Variants in LOXL4 observed in about 807,000 individuals in gnomAD.
LOXL4 encodes lysyl oxidase homolog 4.
LOXL4 carries 72 observed loss-of-function variants against 89.1 expected under a neutral mutation model. The observed-to-expected ratio is 0.81, with a 90% CI of 0.67 to 0.98. The LOEUF (loss-of-function observed/expected upper bound fraction) is 0.98, where lower values mean the gene tolerates loss of function less well. Among genes scored for constraint, LOXL4 ranks in the 50% least tolerant of loss-of-function variants. The pLI, the probability that LOXL4 is intolerant of heterozygous loss-of-function variation, is 0.00. For synonymous variants in LOXL4, 355 were observed against 392.1 expected, an observed-to-expected ratio of 0.91 and a Z score of 1.12; for missense variants, 984 against 1,017.5, an observed-to-expected ratio of 0.97 and a Z score of 0.45.
In LOXL4 at chr10:98,248,729, G is replaced by A. The variant is rs567308588; in HGVS notation, c.*192C>T. 231 of 593,712 alleles carry A rather than the reference G, an allele frequency of 3.9e-4. No homozygotes were observed. Among genetic ancestry groups the A allele is most frequent in the Middle Eastern group, 3.2e-3 (7 of 2,168 alleles). The allele number at this position is 593,712 out of a possible 1,614,324, so 36.8% of individuals were successfully genotyped here. A position where few individuals can be genotyped will look rare whatever the true frequency, so the allele number is the denominator to read the frequency against. On this transcript the variant is annotated 3_prime_UTR_variant, in exon 15 of 15. Transcript: ENST00000260702. ...ATAGGCCACAGGCCCTTAGGGGCAG[G>A]CCCAGAGCCATCCTGAGGGAGCAAT...
In LOXL4 at chr10:98,259,087, G is replaced by A. The variant is rs7077073; in HGVS notation, c.843C>T (p.His281=). The A allele has an allele frequency of 0.45, 720,345 of 1,593,668 alleles. 168,574 individuals are homozygous for A. The highest frequency in any genetic ancestry group is 0.72 in the East Asian group (31,733 of 44,158). ...KLRPACPGGM[H]AVVSCVAGPH... ...GCCCTGCCACACAGCTGACCACAGC[G>A]TGCATGCCACCTGGGCAGGCTGGCC... Residue 281 remains histidine, a synonymous_variant, in exon 6 of 15, where the codon CAC becomes CAT. Transcript: ENST00000260702.
In LOXL4 at chr10:98,259,176, G is replaced by A; in HGVS notation, c.754C>T (p.Leu252=). 6.2e-7 allele frequency: 1 copy of A among 1,612,302 alleles called. No individual in the cohort carries two copies. Among genetic ancestry groups the A allele is most frequent in the Admixed American group, 1.7e-5 (1 of 60,008 alleles). The change falls in exon 6 of 15, where the codon CTG becomes TTG. Residue 252 remains leucine (L), a synonymous_variant. Transcript: ENST00000260702. ...TTGGCCATGTGGGGCTCTGTCCCCA[G>A]GCAGGTGACCTGGTGGATCCAGAAG... The part of the protein sequence containing the change: ...NSFWIHQVTC[L]GTEPHMANCQ...
Position 98,257,656 on chromosome 10 carries a change from C to A in LOXL4, c.1254G>T (p.Gln418His). ...VRCNVPNMGF[Q>H]NQVRLAGGRI... is the part of the protein sequence containing the mutation. ...TGCTCAGACCCAAACTCACCTGATT[C>A]TGAAAGCCCATGTTAGGGACATTGC... Residue 418 changes from glutamine (Q) to histidine (H), a missense_variant, in exon 8 of 15, where the codon CAG (glutamine) becomes CAT (histidine). Gln to His is a conservative substitution (Grantham distance 24). Transcript: ENST00000260702. The A allele has an allele frequency of 6.2e-7, 1 of 1,613,274 alleles. No homozygotes were observed. Among genetic ancestry groups the A allele is most frequent in the Non-Finnish European group, 8.5e-7 (1 of 1,179,596 alleles).
chr10:98,262,767 T>C lies in LOXL4; in HGVS notation c.253A>G (p.Ser85Gly). 1.2e-6 allele frequency: 2 copies of C among 1,613,288 alleles called. No homozygotes were observed. Among genetic ancestry groups the C allele is most frequent in the South Asian group, 1.1e-5 (1 of 91,078 alleles). ...CCCTCCCCTTGGCCGTACTTGGCACTGTGGGCCCAGGTCAAGGCAGCTTCG... is the reference window on the plus strand; with the variant it reads ...CCCTCCCCTTGGCCGTACTTGGCACCGTGGGCCCAGGTCAAGGCAGCTTCG... Reference protein sequence around the residue: ...GFEAALTWAHSAKYGQGEGPI... With the variant: ...GFEAALTWAHGAKYGQGEGPI... Residue 85 changes from serine to glycine, a missense_variant, in exon 2 of 15, where the codon AGT (serine) becomes GGT (glycine). By Grantham distance (56) the Ser-to-Gly change is moderately conservative (BLOSUM62 0). Coordinates refer to ENST00000260702, the MANE Select transcript of LOXL4 (RefSeq NM_032211.7).
intron 3 of LOXL4, 110 bp from the exon 4 acceptor site, chr10:98,261,237 C>G (rs1379721289): frequency 2.6e-6 from 3 of 1,144,318 alleles, no homozygotes; most frequent in Non-Finnish European, 3.7e-6. Flanking sequence ...CGAGACCATC[C>G]CACCCAGCCC....
chr10:98,252,699 G>A (rs562718897), intron 11 of LOXL4, among the ~76,000 whole-genome samples: 5 of 152,212 alleles, frequency 3.3e-5, no homozygotes, highest in Non-Finnish European at 5.9e-5. Flanking sequence ...TCTCAACCCA[G>A]GCAAGAGGTA....
Position 98,258,105 on chromosome 10 carries a change from G to A in LOXL4, c.981C>T (p.Leu327=), listed in dbSNP as rs1404327578. 6.2e-7 allele frequency: 1 copy of A among 1,613,492 alleles called. No individual in the cohort carries two copies. Among genetic ancestry groups the A allele is most frequent in the Admixed American group, 1.7e-5 (1 of 60,024 alleles). Residue 327 remains leucine (L), a synonymous_variant, in exon 7 of 15, where the codon CTC becomes CTT. Transcript: ENST00000260702. ...AQVGEGRVEV[L]MNRQWGTVCD... Reference sequence around the variant, plus strand: ...AGACCGTGCCCCACTGGCGGTTCATGAGCACTTCCACCCGGCCCTCGCCCA... The same window carrying A: ...AGACCGTGCCCCACTGGCGGTTCATAAGCACTTCCACCCGGCCCTCGCCCA...
Position 98,258,172 on chromosome 10 carries a change from G to C in LOXL4, c.922-8C>G. ...CAGGCGCACCCTCGGCTCCTGCTGG[G>C]AGAAACCTGCTTCAGGGACGGCTGA... On this transcript the variant is annotated splice_region_variant and splice_polypyrimidine_tract_variant and intron_variant, in intron 6 of 14. Coordinates refer to ENST00000260702, the MANE Select transcript of LOXL4 (RefSeq NM_032211.7). 6.2e-7 allele frequency: 1 copy of C among 1,605,676 alleles called. No individual in the cohort carries two copies. The highest frequency in any genetic ancestry group is 8.5e-7 in the Non-Finnish European group (1 of 1,174,744).
At chr10:98,253,908 A>C in intron 10 of LOXL4, 112 bp from the exon 11 acceptor site, 2 of 1,359,908 alleles carry the variant, frequency 1.5e-6, no homozygotes, top group East Asian at 2.4e-5. Flanking sequence ...AGAGGACCCC[A>C]CAAAAGAAGG....
In LOXL4 at chr10:98,258,175, A is replaced by G; in HGVS notation, c.922-11T>C. The G allele has an allele frequency of 6.2e-7, 1 of 1,605,102 alleles. No homozygotes were observed. Among genetic ancestry groups the G allele is most frequent in the Non-Finnish European group, 8.5e-7 (1 of 1,174,440 alleles). The stretch of plus-strand genomic sequence containing the variant: ...GCGCACCCTCGGCTCCTGCTGGGAG[A>G]AACCTGCTTCAGGGACGGCTGAGGA... On this transcript the variant is annotated splice_polypyrimidine_tract_variant and intron_variant, in intron 6 of 14. Coordinates refer to ENST00000260702, the MANE Select transcript of LOXL4 (RefSeq NM_032211.7).
At chr10:98,267,708 C>T (rs754057308) in intron 1 of LOXL4, among the ~76,000 whole-genome samples, 1 of 152,146 alleles carries the variant, frequency 6.6e-6, no homozygotes, top group Non-Finnish European at 1.5e-5. Context: ...GCCGACCCCC[C>T]AACATAATCA....
chr10:98,262,806 G>C lies in LOXL4; in HGVS notation c.214C>G (p.Arg72Gly), dbSNP rs775524314. 9.9e-6 allele frequency: 16 copies of C among 1,613,290 alleles called. No individual in the cohort carries two copies. The highest frequency in any genetic ancestry group is 1.3e-5 in the Non-Finnish European group (15 of 1,180,048). ...FAIQEATVAC[R>G]QLGFEAALTW... ...AAGGCAGCTTCGAAGCCCAGCTGGC[G>C]GCAAGCCACTGTGGCCTCCTGGATA... Residue 72 changes from arginine to glycine, a missense_variant, in exon 2 of 15, where the codon CGC becomes GGC. Physicochemically the swap from Arg to Gly is moderately radical, Grantham distance 125. Coordinates refer to ENST00000260702, the MANE Select transcript of LOXL4 (RefSeq NM_032211.7).
chr10:98,260,408 TG>T (rs1480240159), intron 4 of LOXL4, among the ~76,000 whole-genome samples: 2 of 151,206 alleles, frequency 1.3e-5, no homozygotes, highest in Non-Finnish European at 2.9e-5. Flanking sequence ...TGCAAGTATC[TG>T]CAGGAAAGTC....
rs754253901 is a variant in LOXL4 at position 98,251,601 on chromosome 10, T to C, written c.2053A>G (p.Ile685Val). The stretch of plus-strand genomic sequence containing the variant: ...TAATTCCCGGGGCCCACATCTGTGA[T>C]ATCCACCCACTGGCAATCAATGTCA... ...RHDIDCQWVD[I>V]TDVGPGNYIF... The change falls in exon 13 of 15, where the codon ATC (isoleucine) becomes GTC (valine). Residue 685 changes from isoleucine (I) to valine (V), a missense_variant. Ile to Val is a conservative substitution (Grantham distance 29). Coordinates refer to ENST00000260702, the MANE Select transcript of LOXL4 (RefSeq NM_032211.7). The C allele has an allele frequency of 1.2e-6, 2 of 1,614,218 alleles. No homozygotes were observed. The highest frequency in any genetic ancestry group is 1.7e-6 in the Non-Finnish European group (2 of 1,180,032).
chr10:98,250,673 C>G (rs1858164522), intron 14 of LOXL4, among the ~76,000 whole-genome samples: 1 of 152,142 alleles, frequency 6.6e-6, no homozygotes, highest in African/African-American at 2.4e-5. Context: ...GACAGCAACA[C>G]AGAGCAAGAG....
intron 14 of LOXL4, among the ~76,000 whole-genome samples, chr10:98,249,765 G>C (rs1239885179): frequency 6.6e-6 from 1 of 152,138 alleles, no homozygotes; most frequent in South Asian, 2.1e-4. Context: ...CATTATGGAG[G>C]ATCTGCTGTC....
Position 98,262,792 on chromosome 10 carries a change from G to A in LOXL4, c.228C>T (p.Phe76=), listed in dbSNP as rs1212741572. 7 of 1,613,312 alleles carry A rather than the reference G, an allele frequency of 4.3e-6. No individual in the cohort carries two copies. The highest frequency in any genetic ancestry group is 4.2e-6 in the Non-Finnish European group (5 of 1,180,052). ...TGTGGGCCCAGGTCAAGGCAGCTTC[G>A]AAGCCCAGCTGGCGGCAAGCCACTG... ...EATVACRQLG[F]EAALTWAHSA... Residue 76 remains phenylalanine, a synonymous_variant, in exon 2 of 15, where the codon TTC becomes TTT. Transcript: ENST00000260702.
At chr10:98,251,511 TTG>T in intron 13 of LOXL4, 53 bp downstream of exon 13, 1 of 1,599,558 alleles carries the variant, frequency 6.3e-7, no homozygotes, top group Non-Finnish European at 8.5e-7. Context: ...TCAGGGAAAG[TTG>T]TGGAACATCT....
chr10:98,260,814 C>T (rs1858513312), intron 4 of LOXL4, 108 bp downstream of exon 4: 11 of 1,187,740 alleles, frequency 9.3e-6, no homozygotes, highest in African/African-American at 1.5e-5. Flanking sequence ...TGAGTCCACA[C>T]TCAGACTCAT....
Sources: gnomAD v4.1 joint callset for allele counts (sites outside exome capture counted in the v4.1 genomes callset) on GRCh38, gnomAD v4.1.1 for gene constraint, MANE v1.5 for transcripts, NCBI Gene and HGNC (gene_info 2026-07-23, HGNC 2026-07-21) for gene names.